MAF: variants seen among roughly 807,000 people sequenced by gnomAD.
MAF encodes MAF bZIP transcription factor.
In MAF, 10 loss-of-function variants were observed where a neutral mutation model predicts 22.0. The ratio of observed to expected loss-of-function variants is 0.45; its 90% CI spans 0.28 to 0.77. MAF has a LOEUF of 0.77. Ranked by LOEUF, MAF falls within the 30% of genes least tolerant of loss-of-function variation. The pLI is 0.12. For missense variants in MAF, 544 were observed against 548.4 expected (o/e 0.99, Z 0.08); for synonymous variants, 337 against 255.8 (o/e 1.32, Z -3.03).
the MAF span, among the ~76,000 whole-genome samples, chr16:79,320,268 A>G: frequency 6.6e-6 from 1 of 152,202 alleles, no homozygotes; most frequent in African/African-American, 2.4e-5. Context: ...CAAAGAATAG[A>G]TTATAGGGGA....
chr16:79,240,486 G>T, the MAF span, among the ~76,000 whole-genome samples: 1,115 of 43,966 alleles, frequency 0.025, 34 homozygotes, highest in African/African-American at 0.078. Context: ...AAGCATCTCT[G>T]GAAAAAAAAA....
At chr16:79,430,856 C>T in the MAF span, among the ~76,000 whole-genome samples, 3 of 152,222 alleles carry the variant, frequency 2.0e-5, no homozygotes, top group African/African-American at 4.8e-5. Flanking sequence ...CTTTCTTTCT[C>T]TCTGCTGTCA....
At chr16:79,209,276 C>G in the MAF span, among the ~76,000 whole-genome samples, 2 of 152,182 alleles carry the variant, frequency 1.3e-5, no homozygotes, top group South Asian at 4.1e-4. Context: ...CAATGGCATT[C>G]TGAATCAATG....
chr16:79,444,589 G>C, the MAF span, among the ~76,000 whole-genome samples: 1 of 152,154 alleles, frequency 6.6e-6, no homozygotes, highest in Non-Finnish European at 1.5e-5. Flanking sequence ...TTTACTCAAG[G>C]TCAGAGGATC....
At chr16:79,397,135 G>C in the MAF span, among the ~76,000 whole-genome samples, 1 of 152,216 alleles carries the variant, frequency 6.6e-6, no homozygotes, top group Non-Finnish European at 1.5e-5. Context: ...TGAATGTCTG[G>C]GCACACAGCA....
At chr16:79,562,278 G>A in the MAF span, among the ~76,000 whole-genome samples, 3 of 152,182 alleles carry the variant, frequency 2.0e-5, no homozygotes, top group Non-Finnish European at 1.5e-5. Flanking sequence ...AACGAATTGT[G>A]AAGCAGTACA....
chr16:79,569,831 G>A, the MAF span, among the ~76,000 whole-genome samples: 1 of 152,176 alleles, frequency 6.6e-6, no homozygotes, highest in African/African-American at 2.4e-5. Flanking sequence ...CCTAGAGGGA[G>A]CTGTCCCCGG....
At chr16:79,417,294 A>G in the MAF span, among the ~76,000 whole-genome samples, 1 of 152,230 alleles carries the variant, frequency 6.6e-6, no homozygotes, top group Non-Finnish European at 1.5e-5. Context: ...CCTTTTATAG[A>G]AACAATCAGA....
chr16:79,560,520 A>T, the MAF span, among the ~76,000 whole-genome samples: 11 of 152,080 alleles, frequency 7.2e-5, no homozygotes, highest in Non-Finnish European at 1.5e-4. Context: ...AATATGATGC[A>T]ATGGTTTGCT....
chr16:79,580,521 G>C, the MAF span, among the ~76,000 whole-genome samples: 4 of 152,184 alleles, frequency 2.6e-5, no homozygotes, highest in Admixed American at 1.3e-4. Context: ...CGAAGATGCA[G>C]AGACAGTACC....
chr16:79,260,580 C>CA, the MAF span, among the ~76,000 whole-genome samples: 1 of 151,856 alleles, frequency 6.6e-6, no homozygotes, highest in African/African-American at 2.4e-5. Flanking sequence ...ATTGTATTCC[C>CA]AATACAGAAA....
At chr16:79,251,230 C>A in the MAF span, among the ~76,000 whole-genome samples, 2 of 151,980 alleles carry the variant, frequency 1.3e-5, no homozygotes, top group African/African-American at 2.4e-5. Flanking sequence ...GCTGATTGCG[C>A]ATTTGATGAC....
At chr16:79,259,330 C>G in the MAF span, among the ~76,000 whole-genome samples, 1 of 152,196 alleles carries the variant, frequency 6.6e-6, no homozygotes. Context: ...TCACCAGCCA[C>G]CAGCCACCAC....
Position 79,599,260 on chromosome 16 carries a change from C to A in MAF, c.643G>T (p.Gly215Cys). Residue 215 changes from glycine to cysteine, a missense_variant, in exon 1 of 2, where the codon GGC becomes TGC. Transcript: ENST00000326043. ...SAAASAGGAG[G>C]AGGGGPASAG... ...CTGGCCGGGCCACCGCCGCCCGCGC[C>A]CCCAGCGCCACCGGCCGAGGCGGCC... 2 of 978,470 alleles carry A rather than the reference C, an allele frequency of 2.0e-6. No homozygotes were observed. Among genetic ancestry groups the A allele is most frequent in the Non-Finnish European group, 2.4e-6 (2 of 827,376 alleles). 60.6% of individuals were successfully genotyped at this position (978,470 alleles called of 1,614,324 possible). A position where few individuals can be genotyped will look rare whatever the true frequency, so the allele number is the denominator to read the frequency against.
the MAF span, among the ~76,000 whole-genome samples, chr16:79,214,842 C>G: frequency 6.7e-6 from 1 of 149,220 alleles, no homozygotes; most frequent in African/African-American, 2.5e-5. Flanking sequence ...TTCAGAGTAG[C>G]TGGGATTACA....
chr16:79,407,818 C>T, the MAF span, among the ~76,000 whole-genome samples: 6 of 152,082 alleles, frequency 3.9e-5, no homozygotes, highest in Admixed American at 2.0e-4. Flanking sequence ...AGGTTGCTCG[C>T]GGCTTCGTTT....
At chr16:79,541,213 A>G in the MAF span, among the ~76,000 whole-genome samples, 4 of 152,330 alleles carry the variant, frequency 2.6e-5, no homozygotes, top group African/African-American at 9.6e-5. Context: ...AACGACTGCT[A>G]TCGTACTCTA....
the MAF span, among the ~76,000 whole-genome samples, chr16:79,549,228 G>A: frequency 2.7e-5 from 4 of 149,654 alleles, no homozygotes; most frequent in Non-Finnish European, 4.5e-5. Flanking sequence ...CAGTCATGGC[G>A]TGCCCAACAT....
At chr16:79,557,602 T>C in the MAF span, among the ~76,000 whole-genome samples, 12 of 152,200 alleles carry the variant, frequency 7.9e-5, no homozygotes, top group East Asian at 1.9e-3. Flanking sequence ...CTCTGCTCAA[T>C]AGAGATACTA....
Sources: gnomAD v4.1 joint callset for allele counts (sites outside exome capture counted in the v4.1 genomes callset) on GRCh38, gnomAD v4.1.1 for gene constraint, MANE v1.5 for transcripts, NCBI Gene and HGNC (gene_info 2026-07-23, HGNC 2026-07-21) for gene names.